Variants in CCDC91 observed in about 807,000 individuals in gnomAD.
The protein encoded by CCDC91 is coiled-coil domain-containing protein 91.
In CCDC91, 48 loss-of-function variants were observed where a neutral mutation model predicts 63.2. The ratio of observed to expected loss-of-function variants is 0.76; its 90% CI spans 0.60 to 0.97. The LOEUF is 0.97. Ranked by LOEUF, CCDC91 falls within the 50% of genes least tolerant of loss-of-function variation. The pLI is 0.00. For missense variants in CCDC91, 500 were observed against 494.6 expected (o/e 1.01, Z -0.10); for synonymous variants, 167 against 165.8 (o/e 1.01, Z -0.06).
chr12:28,282,504 TGTTG>T (rs1948672711), intron 3 of CCDC91, among the ~76,000 whole-genome samples: 1 of 152,092 alleles, frequency 6.6e-6, no homozygotes, highest in Non-Finnish European at 1.5e-5. Flanking sequence ...TTTATGCACT[TGTTG>T]GTTGATAGGC....
chr12:28,456,030 T>G (rs1209235356), intron 11 of CCDC91, among the ~76,000 whole-genome samples: 4 of 152,172 alleles, frequency 2.6e-5, no homozygotes, highest in African/African-American at 9.6e-5. Context: ...CTCCCTGTGT[T>G]CTCATCTTAG....
intron 1 of CCDC91, among the ~76,000 whole-genome samples, chr12:28,229,817 G>T (rs570572100): frequency 6.6e-6 from 1 of 152,060 alleles, no homozygotes; most frequent in Non-Finnish European, 1.5e-5. Context: ...TGGACTAATT[G>T]TCTGTGTTTG....
chr12:28,481,001 A>C (rs1951417047), intron 11 of CCDC91, among the ~76,000 whole-genome samples: 1 of 152,122 alleles, frequency 6.6e-6, no homozygotes. Flanking sequence ...ATATCATATA[A>C]GTTTTTAGCC....
chr12:28,217,985 C>A (rs554278201), intron 1 of CCDC91, among the ~76,000 whole-genome samples: 1 of 152,072 alleles, frequency 6.6e-6, no homozygotes, highest in South Asian at 2.1e-4. Context: ...TCCTGTTTAC[C>A]TATTATAACT....
chr12:28,518,505 T>G (rs1394737905), intron 12 of CCDC91, among the ~76,000 whole-genome samples: 1 of 152,040 alleles, frequency 6.6e-6, no homozygotes, highest in African/African-American at 2.4e-5. Flanking sequence ...GATTCTTTGT[T>G]TTTTTCTTAC....
At chr12:28,298,349 G>C (rs1203950982) in intron 3 of CCDC91, among the ~76,000 whole-genome samples, 2 of 143,398 alleles carry the variant, frequency 1.4e-5, no homozygotes, top group African/African-American at 5.1e-5. Context: ...TTGGTCTGTT[G>C]CTGATTGTTG....
intron 3 of CCDC91, among the ~76,000 whole-genome samples, chr12:28,276,882 T>G (rs528246141): frequency 1.3e-5 from 2 of 152,108 alleles, no homozygotes; most frequent in East Asian, 3.9e-4. Context: ...TTTTAAAGGT[T>G]TATATACAGT....
chr12:28,227,943 A>G (rs1160259058), intron 1 of CCDC91, among the ~76,000 whole-genome samples: 1 of 152,094 alleles, frequency 6.6e-6, no homozygotes. Context: ...GAAATTTTCT[A>G]AGGATTAAAA....
At chr12:28,196,749 A>G (rs1941800046) in intron 1 of CCDC91, among the ~76,000 whole-genome samples, 2 of 152,190 alleles carry the variant, frequency 1.3e-5, no homozygotes, top group South Asian at 4.1e-4. Context: ...AAAAAAAGTT[A>G]CCCTATTTTC....
intron 8 of CCDC91, among the ~76,000 whole-genome samples, chr12:28,398,097 A>G (rs1313535607): frequency 1.3e-5 from 2 of 152,262 alleles, no homozygotes; most frequent in Non-Finnish European, 1.5e-5. Context: ...ATAGAAATAT[A>G]TACACTCATA....
chr12:28,304,748 G>A lies in CCDC91; in HGVS notation c.110-901G>A. On this transcript the variant is annotated intron_variant, in intron 3 of 12. Transcript: ENST00000536442. ...TTAGAAAGTTAAAATGTATAAATGG[G>A]CTGCACCAAAAAGTGACTCACTTTC... 5.0e-6 allele frequency: 4 copies of A among 792,110 alleles called. No individual in the cohort carries two copies. The South Asian group carries it at 6.4e-5, about 13-fold the overall frequency. 49.1% of individuals were successfully genotyped at this position (792,110 alleles called of 1,614,324 possible). A position where few individuals can be genotyped will look rare whatever the true frequency, so the allele number is the denominator to read the frequency against.
intron 8 of CCDC91, among the ~76,000 whole-genome samples, chr12:28,427,270 T>G (rs776654009): frequency 1.3e-5 from 2 of 152,138 alleles, no homozygotes; most frequent in African/African-American, 2.4e-5. Context: ...ATCTTGATAA[T>G]GCCCTGACCC....
chr12:28,503,927 G>T (rs1415508414), intron 12 of CCDC91, among the ~76,000 whole-genome samples: 1 of 151,512 alleles, frequency 6.6e-6, no homozygotes, highest in African/African-American at 2.4e-5. Flanking sequence ...ACACTCTGGG[G>T]ACTGTTGTGG....
chr12:28,461,902 ATTTACT>A (rs1428529905), intron 11 of CCDC91, among the ~76,000 whole-genome samples: 1 of 152,032 alleles, frequency 6.6e-6, no homozygotes, highest in Admixed American at 6.6e-5. Context: ...TTACCATGTT[ATTTACT>A]GATGTAATTT....
rs151083728 is a variant in CCDC91 at position 28,490,848 on chromosome 12, A to G, written c.1215+6683A>G. On this transcript the variant is annotated intron_variant, in intron 12 of 12. Coordinates refer to ENST00000536442, the MANE Select transcript of CCDC91 (RefSeq NM_018318.5). Reference sequence around the variant, plus strand: ...GTCTTGTTTTGCTCTTTTCACTTGCATAAGAATAATCTTGAAAAAACTTAC... The same window carrying G: ...GTCTTGTTTTGCTCTTTTCACTTGCGTAAGAATAATCTTGAAAAAACTTAC... Among the ~76,000 whole-genome samples the G allele has an allele frequency of 4.5e-3, 689 of 151,894 alleles. 2 individuals carry two copies. Among genetic ancestry groups the G allele is most frequent in the Non-Finnish European group, 7.3e-3 (498 of 67,846 alleles).
chr12:28,505,527 A>G (rs1428001139), intron 12 of CCDC91: 2 of 151,902 alleles, frequency 1.3e-5, no homozygotes, highest in African/African-American at 4.8e-5. Flanking sequence ...AAGTTAAAGC[A>G]TCTGTAAAGC....
At chr12:28,223,282 G>A (rs537927843) in intron 1 of CCDC91, among the ~76,000 whole-genome samples, 2 of 152,234 alleles carry the variant, frequency 1.3e-5, no homozygotes, top group African/African-American at 4.8e-5. Context: ...ACTTAAAGGA[G>A]TAGGTGGACA....
At chr12:28,300,767 A>G (rs1241537467) in intron 3 of CCDC91, among the ~76,000 whole-genome samples, 55 of 151,544 alleles carry the variant, frequency 3.6e-4, no homozygotes, top group Admixed American at 3.6e-3. Flanking sequence ...ACCTTTGTTT[A>G]GGTCTATTTC....
chr12:28,422,429 T>C (rs1227795906), intron 8 of CCDC91, among the ~76,000 whole-genome samples: 2 of 152,154 alleles, frequency 1.3e-5, no homozygotes, highest in African/African-American at 4.8e-5. Flanking sequence ...ATAAAAATAA[T>C]ACTAATTTTA....
Sources: gnomAD v4.1 joint callset for allele counts (sites outside exome capture counted in the v4.1 genomes callset) on GRCh38, gnomAD v4.1.1 for gene constraint, MANE v1.5 for transcripts, NCBI Gene and HGNC (gene_info 2026-07-23, HGNC 2026-07-21) for gene names.